The following PIGL variants were observed in gnomAD, a reference collection of about 807,000 sequenced individuals.
PIGL encodes phosphatidylinositol glycan anchor biosynthesis class L.
A neutral mutation model predicts 31.1 loss-of-function variants in PIGL; 22 were observed. The ratio of observed to expected loss-of-function variants is 0.71; its 90% CI spans 0.51 to 1.01. The LOEUF is 1.01. PIGL is among the 50% of genes least tolerant of loss of function. PIGL has a pLI of 0.00. For missense variants in PIGL, 302 were observed against 315.9 expected (o/e 0.96, Z 0.33); for synonymous variants, 131 against 117.4 (o/e 1.12, Z -0.75).
chr17:16,301,127 T>C (rs1434062001), intron 3 of PIGL, among the ~76,000 whole-genome samples: 3 of 152,084 alleles, frequency 2.0e-5, no homozygotes, highest in East Asian at 1.9e-4. Flanking sequence ...CAGAGAAACA[T>C]ATTAGGCTTT....
chr17:16,320,533 AGAAGGAAGGAAG>A (rs545055209), intron 6 of PIGL, among the ~76,000 whole-genome samples: 1 of 145,326 alleles, frequency 6.9e-6, no homozygotes, highest in Non-Finnish European at 1.5e-5. Context: ...AAAGAAAAGA[AGAAGGAAGGAAG>A]GAAGGAAGAA....
chr17:16,256,333 G>GTTGTTTGT (rs370635313), intron 2 of PIGL, among the ~76,000 whole-genome samples: 4,701 of 151,898 alleles, frequency 0.031, 246 homozygotes, highest in African/African-American at 0.11. Flanking sequence ...GGGTTTTTTT[G>GTTGTTTGT]TTGTTTGTTT....
chr17:16,295,575 A>C (rs1056371029), intron 2 of PIGL, among the ~76,000 whole-genome samples: 8 of 151,790 alleles, frequency 5.3e-5, no homozygotes, highest in African/African-American at 1.9e-4. Flanking sequence ...TGAGCCTGGA[A>C]GTCAAGGCTC....
chr17:16,323,417 A>G (rs990462474), intron 6 of PIGL, among the ~76,000 whole-genome samples: 1 of 151,616 alleles, frequency 6.6e-6, no homozygotes, highest in Non-Finnish European at 1.5e-5. Flanking sequence ...ATTTTTTAGT[A>G]GAGACGAAGT....
At chr17:16,235,837 T>G (rs997325473) in intron 2 of PIGL, among the ~76,000 whole-genome samples, 1 of 150,090 alleles carries the variant, frequency 6.7e-6, no homozygotes, top group African/African-American at 2.4e-5. Flanking sequence ...GGCTGTACTA[T>G]GTACTTTGCA....
chr17:16,285,585 C>A (rs1298016478), intron 2 of PIGL, among the ~76,000 whole-genome samples: 3 of 151,932 alleles, frequency 2.0e-5, no homozygotes, highest in Non-Finnish European at 4.4e-5. Flanking sequence ...AAAAAAAATC[C>A]ATTTTATGGT....
At chr17:16,255,957 T>C (rs1320592570) in intron 2 of PIGL, among the ~76,000 whole-genome samples, 1 of 151,944 alleles carries the variant, frequency 6.6e-6, no homozygotes, top group East Asian at 1.9e-4. Context: ...CGATACTACT[T>C]CAAAGCCAGA....
intron 2 of PIGL, among the ~76,000 whole-genome samples, chr17:16,238,939 C>T (rs1400032497): frequency 7.1e-6 from 1 of 140,556 alleles, no homozygotes; most frequent in Non-Finnish European, 1.5e-5. Context: ...GACGGGGTTT[C>T]GCCATGTTGG....
At chr17:16,226,800 G>A (rs998940540) in intron 1 of PIGL, among the ~76,000 whole-genome samples, 3 of 152,118 alleles carry the variant, frequency 2.0e-5, no homozygotes, top group Admixed American at 1.3e-4. Context: ...TTTATGTGGA[G>A]GTCTCCTTAT....
intron 2 of PIGL, among the ~76,000 whole-genome samples, chr17:16,274,849 TG>T (rs1371722934): frequency 6.6e-6 from 1 of 151,808 alleles, no homozygotes; most frequent in African/African-American, 2.4e-5. Context: ...CTGGCCAACA[TG>T]GCAAAACCCC....
At chr17:16,314,845 A>T (rs1167568817) in intron 4 of PIGL, among the ~76,000 whole-genome samples, 2 of 152,190 alleles carry the variant, frequency 1.3e-5, no homozygotes, top group Non-Finnish European at 2.9e-5. Context: ...CCACATGGTT[A>T]CTCTGAGGCC....
chr17:16,318,514 A>C (rs1309811237), intron 6 of PIGL, among the ~76,000 whole-genome samples: 1 of 151,572 alleles, frequency 6.6e-6, no homozygotes. Flanking sequence ...CGGGTGATCC[A>C]CCCACCTCGA....
intron 5 of PIGL, chr17:16,317,126 C>T (rs2142871332): frequency 3.9e-6 from 4 of 1,026,882 alleles, no homozygotes; most frequent in Non-Finnish European, 4.7e-6. Flanking sequence ...CCCTACCTGA[C>T]CATTTACTGC....
intron 2 of PIGL, among the ~76,000 whole-genome samples, chr17:16,282,761 C>T (rs2142795880): frequency 6.6e-6 from 1 of 152,306 alleles, no homozygotes; most frequent in East Asian, 1.9e-4. Context: ...TACATATATC[C>T]TGATGTGATG....
rs996435320 is a variant in PIGL, at chr17:16,291,321, A to T, written c.336-8567A>T. Among the ~76,000 whole-genome samples the T allele has an allele frequency of 2.0e-4, 30 of 151,828 alleles. 1 individual carries two copies. Among genetic ancestry groups the T allele is most frequent in the Admixed American group, 9.2e-4 (14 of 15,228 alleles). The stretch of plus-strand genomic sequence containing the variant: ...CGGGAGTTTGAGAACAGCCTGGCCA[A>T]CATGGTGAAACCCCATTTTCATTAA... On this transcript the variant is annotated intron_variant, in intron 2 of 6. Transcript: ENST00000225609.
chr17:16,233,298 T>C (rs1198519111), intron 1 of PIGL, among the ~76,000 whole-genome samples: 1 of 152,144 alleles, frequency 6.6e-6, no homozygotes, highest in African/African-American at 2.4e-5. Flanking sequence ...TGTATTATTA[T>C]TTGTAAGGTT....
chr17:16,240,098 A>C lies in PIGL; in HGVS notation c.335+6028A>C, dbSNP rs908670927. On this transcript the variant is annotated intron_variant, in intron 2 of 6. Transcript: ENST00000225609. Reference sequence around the variant, plus strand: ...GATTTCTCATGAATAGTTTAGCACTATCCTCCTTGGTACTGTCCTTGTCAG... The same window carrying C: ...GATTTCTCATGAATAGTTTAGCACTCTCCTCCTTGGTACTGTCCTTGTCAG... Among the ~76,000 whole-genome samples, 3 of 152,088 alleles carry C rather than the reference A, an allele frequency of 2.0e-5. No homozygotes were observed. The South Asian group carries it at 6.2e-4, about 32-fold the overall frequency.
At chr17:16,228,550 G>A (rs947963333) in intron 1 of PIGL, among the ~76,000 whole-genome samples, 11 of 151,966 alleles carry the variant, frequency 7.2e-5, no homozygotes, top group Non-Finnish European at 1.6e-4. Flanking sequence ...CACCACGCCC[G>A]GCTAATTTTT....
intron 1 of PIGL, among the ~76,000 whole-genome samples, chr17:16,231,118 A>C (rs1303649011): frequency 4.7e-5 from 6 of 128,584 alleles, no homozygotes; most frequent in African/African-American, 1.8e-4. Context: ...TATATTCCCC[A>C]GCCTGGTCTT....
Sources: gnomAD v4.1 joint callset for allele counts (sites outside exome capture counted in the v4.1 genomes callset) on GRCh38, gnomAD v4.1.1 for gene constraint, MANE v1.5 for transcripts, NCBI Gene and HGNC (gene_info 2026-07-23, HGNC 2026-07-21) for gene names.